MTOR: variants seen among roughly 807,000 people sequenced by gnomAD.
The protein encoded by MTOR is serine/threonine-protein kinase mTOR.
A neutral mutation model predicts 319.8 loss-of-function variants in MTOR; 70 were observed. That is an observed-to-expected ratio of 0.22 (90% CI 0.18 to 0.27). The LOEUF is 0.27. Among genes scored for constraint, MTOR ranks in the 10% least tolerant of loss-of-function variants. The pLI is 1.00. For synonymous variants in MTOR, 1,183 were observed against 1,211.4 expected (o/e 0.98, Z 0.49); for missense variants, 1,890 against 3,274.4 (o/e 0.58, Z 10.32).
Position 11,127,875 on chromosome 1 carries a change from C to T in MTOR, c.6034-69G>A, listed in dbSNP as rs1394691202. 2 of 1,581,728 alleles carry T rather than the reference C, an allele frequency of 1.3e-6. No homozygotes were observed. Among genetic ancestry groups the T allele is most frequent in the African/African-American group, 2.7e-5 (2 of 73,970 alleles). On this transcript the variant is annotated intron_variant, in intron 43 of 57. Transcript: ENST00000361445. This position sits in a 1 kb window ranked among gnomAD's most constrained non-coding sequence, Gnocchi z 5.5. The stretch of plus-strand genomic sequence containing the variant: ...ACCTCAGAAAGGTCTGTTTTGGAGA[C>T]ACAGGAGGTACTATTTCCAGCAGTC...
chr1:11,255,406 A>AG (rs1650254887), intron 5 of MTOR, among the ~76,000 whole-genome samples: 1 of 135,486 alleles, frequency 7.4e-6, no homozygotes, highest in African/African-American at 2.5e-5. Flanking sequence ...AAAAAAAAAA[A>AG]AAAGAAAGAG....
intron 26 of MTOR, among the ~76,000 whole-genome samples, chr1:11,202,280 T>C (rs143276041): frequency 0.059 from 8,943 of 151,812 alleles, 374 homozygotes; most frequent in South Asian, 0.12. Context: ...GTACAAAAAA[T>C]TGGCCAGGTG....
chr1:11,243,502 G>C (rs1648368850), intron 8 of MTOR, among the ~76,000 whole-genome samples: 1 of 151,928 alleles, frequency 6.6e-6, no homozygotes, highest in Admixed American at 6.6e-5. Flanking sequence ...AACAGCCTGG[G>C]CAACACAGTG....
rs1366469471 is a variant in MTOR, at chr1:11,259,264, G to A, written c.146C>T (p.Thr49Ile). ...KAAKELQHYV[T>I]MELREMSQEE... ...CAGAAGCACCTCTCGGAGTTCCATGGTGACATAGTGCTGGAGCTCCTTGGC... is the reference window on the plus strand; with the variant it reads ...CAGAAGCACCTCTCGGAGTTCCATGATGACATAGTGCTGGAGCTCCTTGGC... Residue 49 changes from threonine (T) to isoleucine (I), a missense_variant, in exon 2 of 58, where the codon ACC (threonine) becomes ATC (isoleucine). Thr to Ile is a moderately conservative substitution (Grantham distance 89). This residue lies in a region of MTOR where 85 missense variants were observed against 105.8 expected (regional missense o/e 0.80). Transcript: ENST00000361445. 1 of 1,613,828 alleles carries A rather than the reference G, an allele frequency of 6.2e-7. No homozygotes were observed. Among genetic ancestry groups the A allele is most frequent in the Non-Finnish European group, 8.5e-7 (1 of 1,179,890 alleles).
intron 28 of MTOR, among the ~76,000 whole-genome samples, chr1:11,168,070 A>G (rs1010255502): frequency 7.3e-6 from 1 of 136,706 alleles, no homozygotes; most frequent in African/African-American, 3.0e-5. Flanking sequence ...ACACTGTCTC[A>G]AAAAAAAAAA....
intron 28 of MTOR, among the ~76,000 whole-genome samples, chr1:11,172,342 G>C (rs1402783510): frequency 6.6e-6 from 1 of 151,524 alleles, no homozygotes; most frequent in Admixed American, 6.6e-5. Flanking sequence ...CAGATCACGA[G>C]GTCAGGAGAT....
intron 30 of MTOR, among the ~76,000 whole-genome samples, chr1:11,155,995 T>A (rs1451154704): frequency 6.6e-6 from 1 of 152,172 alleles, no homozygotes; most frequent in African/African-American, 2.4e-5. Context: ...TTATTTATTT[T>A]TATTTATTTT....
At chr1:11,238,294 G>C in intron 12 of MTOR, 108 bp downstream of exon 12, 1 of 1,221,682 alleles carries the variant, frequency 8.2e-7, no homozygotes. Context: ...CTGAATATCA[G>C]CTTTTTGAGC....
At chr1:11,151,656 G>A (rs1375820232) in intron 30 of MTOR, among the ~76,000 whole-genome samples, 1 of 152,246 alleles carries the variant, frequency 6.6e-6, no homozygotes, top group African/African-American at 2.4e-5. Context: ...AGGGGTCACA[G>A]TTTGAGAACC....
intron 28 of MTOR, among the ~76,000 whole-genome samples, chr1:11,181,994 G>C (rs1419028516): frequency 6.6e-6 from 1 of 152,156 alleles, no homozygotes; most frequent in Non-Finnish European, 1.5e-5. Flanking sequence ...AAGGCAGGCG[G>C]ATCACCTGAG....
chr1:11,188,129 G>A (rs1265144030), intron 28 of MTOR, among the ~76,000 whole-genome samples: 2 of 152,186 alleles, frequency 1.3e-5, no homozygotes, highest in African/African-American at 2.4e-5. Context: ...AAGGACCCAC[G>A]CTGACTACAA....
chr1:11,107,559 A>G, intron 57 of MTOR, 59 bp from the exon 58 acceptor site: 1 of 1,580,750 alleles, frequency 6.3e-7, no homozygotes, highest in Non-Finnish European at 8.6e-7. Context: ...AAAGGTTTAC[A>G]CAGATAACTT....
In MTOR at chr1:11,130,627, TGGCAGTGGCGGCCGTGGTGGC is replaced by T. The variant is rs769184043; in HGVS notation, c.5494_5514del (p.Ala1832_Ala1838del). The T allele has an allele frequency of 3.1e-6, 5 of 1,613,958 alleles. No individual in the cohort carries two copies. The highest frequency in any genetic ancestry group is 1.6e-4 in the Middle Eastern group (1 of 6,062). On this transcript the variant is annotated inframe_deletion, in exon 39 of 58. Coordinates refer to ENST00000361445, the MANE Select transcript of MTOR (RefSeq NM_004958.4). ...CTGCCCTCGGTGCTGGCAGTGGTGG[TGGCAGTGGCGGCCGTGGTGGC>T]GGCAGTGGTGGCGTTGGTGATGTTG...
At chr1:11,261,827 T>G (rs1312326014) in intron 1 of MTOR, among the ~76,000 whole-genome samples, 2 of 152,172 alleles carry the variant, frequency 1.3e-5, no homozygotes, top group African/African-American at 4.8e-5. Flanking sequence ...GGGATTTCTA[T>G]TCTCAGGAAA....
Position 11,127,956 on chromosome 1 carries a change from C to CA in MTOR, c.6033+47dup. On this transcript the variant is annotated intron_variant, in intron 43 of 57. Coordinates refer to ENST00000361445, the MANE Select transcript of MTOR (RefSeq NM_004958.4). The surrounding 1 kb of genome is among the most constrained non-coding windows in gnomAD (Gnocchi z 5.5). Reference sequence around the variant, plus strand: ...GAAAAACAATCCCACTTGCGCCCACCAGCTAAGGGACCAGGGTCTATGAAG... The same window carrying CA: ...GAAAAACAATCCCACTTGCGCCCACCAAGCTAAGGGACCAGGGTCTATGAAG... The CA allele has an allele frequency of 6.2e-7, 1 of 1,607,686 alleles. No individual in the cohort carries two copies. The highest frequency in any genetic ancestry group is 8.5e-7 in the Non-Finnish European group (1 of 1,177,950).
intron 28 of MTOR, among the ~76,000 whole-genome samples, chr1:11,172,027 T>C (rs928957496): frequency 2.2e-5 from 3 of 137,280 alleles, no homozygotes; most frequent in Non-Finnish European, 3.1e-5. Context: ...CAAAACTCCA[T>C]CTCAAAAAAA....
chr1:11,169,643 T>G (rs1644750139), intron 28 of MTOR, among the ~76,000 whole-genome samples: 2 of 152,272 alleles, frequency 1.3e-5, no homozygotes, highest in Admixed American at 6.5e-5. Context: ...TCTGGAGGTC[T>G]AATTCTGCCA....
At chr1:11,257,380 CA>C (rs1006118528) in intron 3 of MTOR, among the ~76,000 whole-genome samples, 845 of 36,788 alleles carry the variant, frequency 0.023, 4 homozygotes, top group African/African-American at 0.063. Flanking sequence ...TACTAAGATA[CA>C]AAAAAAAAAA....
chr1:11,186,911 TGTCTTCA>T (rs1200422028), intron 28 of MTOR, among the ~76,000 whole-genome samples: 1 of 152,198 alleles, frequency 6.6e-6, no homozygotes, highest in Non-Finnish European at 1.5e-5. Flanking sequence ...TTCTGTCTTC[TGTCTTCA>T]AGTATTGCCT....
Sources: allele counts gnomAD v4.1 joint callset (sites outside exome capture counted in the v4.1 genomes callset), GRCh38; gene constraint gnomAD v4.1.1; regional missense constraint gnomAD v4.1.1; non-coding constraint Gnocchi (gnomAD v3.1); transcripts MANE v1.5; gene names NCBI Gene and HGNC (gene_info 2026-07-23, HGNC 2026-07-21).